SCN8A: variants seen among roughly 807,000 people sequenced by gnomAD.
The protein encoded by SCN8A is sodium channel protein type 8 subunit alpha.
In SCN8A, 30 loss-of-function variants were observed where a neutral mutation model predicts 184.1. The ratio of observed to expected loss-of-function variants is 0.16; its 90% CI spans 0.12 to 0.22. SCN8A has a LOEUF of 0.22. SCN8A is among the 10% of genes least tolerant of loss of function. The pLI is 1.00. For missense variants in SCN8A, 1,057 were observed against 2,498.9 expected (o/e 0.42, Z 12.30); for synonymous variants, 852 against 907.0 (o/e 0.94, Z 1.09).
At chr12:51,611,181 A>C (rs1939711588) in intron 1 of SCN8A, among the ~76,000 whole-genome samples, 1 of 151,572 alleles carries the variant, frequency 6.6e-6, no homozygotes, top group Non-Finnish European at 1.5e-5. Flanking sequence ...TGTTAGGTTT[A>C]TACCTAAGTA....
At chr12:51,659,375 A>G (rs987245205) in intron 1 of SCN8A, among the ~76,000 whole-genome samples, 1 of 152,222 alleles carries the variant, frequency 6.6e-6, no homozygotes, top group African/African-American at 2.4e-5. Context: ...TCTTGATTTC[A>G]GTGGTGGTTA....
In SCN8A at chr12:51,790,382, T is replaced by A. The variant is rs777359010; in HGVS notation, c.4420-16T>A. The A allele has an allele frequency of 1.9e-6, 3 of 1,583,930 alleles. No homozygotes were observed. The South Asian group carries it at 3.4e-5, about 18-fold the overall frequency. On this transcript the variant is annotated splice_polypyrimidine_tract_variant and intron_variant, in intron 24 of 26. Coordinates refer to ENST00000627620, the MANE Select transcript of SCN8A (RefSeq NM_001330260.2). ...GAGCCAGTTGTAATTGTCTGTTTTC[T>A]TCTTCCCTCCTTTACTTCGGAGGTC... is the stretch of plus-strand genomic sequence containing the variant.
At position 51,790,560 on chromosome 12, in the gene SCN8A, T is replaced by C. The variant is rs193272069; in HGVS notation, c.4524+58T>C. The C allele has an allele frequency of 9.3e-5, 104 of 1,124,284 alleles. No individual in the cohort carries two copies. The African/African-American group carries it at 1.5e-3, about 16-fold the overall frequency. 69.6% of individuals were successfully genotyped at this position (1,124,284 alleles called of 1,614,324 possible). ...AGAACCCATATAGGAAAAGTACTAG[T>C]AGAGTTACTGCAAAGGAAGGAAAAA... On this transcript the variant is annotated intron_variant, in intron 25 of 26. Coordinates refer to ENST00000627620, the MANE Select transcript of SCN8A (RefSeq NM_001330260.2).
At chr12:51,652,585 C>T (rs1368104220) in intron 1 of SCN8A, among the ~76,000 whole-genome samples, 1 of 152,174 alleles carries the variant, frequency 6.6e-6, no homozygotes, top group African/African-American at 2.4e-5. Context: ...CTGAAATCCA[C>T]TTACACTGAA....
intron 13 of SCN8A, among the ~76,000 whole-genome samples, chr12:51,750,931 A>G (rs546609657): frequency 1.6e-4 from 24 of 152,348 alleles, no homozygotes; most frequent in African/African-American, 5.8e-4. Context: ...GCTTTACACC[A>G]GCATCTAATT....
Position 51,730,252 on chromosome 12 carries a change from TATCCA to T in SCN8A, c.1998+8345_1998+8349del, listed in dbSNP as rs571782323. Among the ~76,000 whole-genome samples, 31 of 152,320 alleles carry T rather than the reference TATCCA, an allele frequency of 2.0e-4. No homozygotes were observed. In the South Asian group the frequency reaches 3.1e-3, roughly 15 times the overall value. The stretch of plus-strand genomic sequence containing the variant: ...TGAGATACAAGTCAACCTGGATAGA[TATCCA>T]GTCTGTTAGCACCATTTGTTCAAGA... On this transcript the variant is annotated intron_variant, in intron 12 of 26. Transcript: ENST00000627620.
At chr12:51,802,488 C>T (rs1049400553) in intron 26 of SCN8A, among the ~76,000 whole-genome samples, 3 of 152,214 alleles carry the variant, frequency 2.0e-5, no homozygotes, top group African/African-American at 4.8e-5. Context: ...AGGGAGGCTA[C>T]GCATGCACCT....
intron 2 of SCN8A, among the ~76,000 whole-genome samples, chr12:51,667,591 C>T (rs1257925312): frequency 6.6e-6 from 1 of 152,088 alleles, no homozygotes; most frequent in African/African-American, 2.4e-5. Flanking sequence ...CTCTGTTGCA[C>T]AAAGTGCCTG....
intron 20 of SCN8A, among the ~76,000 whole-genome samples, chr12:51,779,219 C>CAAA (rs35152992): frequency 3.2e-5 from 4 of 125,170 alleles, no homozygotes; most frequent in Admixed American, 8.0e-5. Flanking sequence ...GACTTTGTCT[C>CAAA]AAAAAAAAAA....
intron 2 of SCN8A, among the ~76,000 whole-genome samples, chr12:51,666,816 G>A (rs1941042773): frequency 6.6e-6 from 1 of 152,224 alleles, no homozygotes; most frequent in South Asian, 2.1e-4. Context: ...TGTGCACCAC[G>A]TTTTCGAGAT....
chr12:51,702,860 C>T lies in SCN8A; in HGVS notation c.1080C>T (p.Phe360=). The T allele has an allele frequency of 6.2e-7, 1 of 1,605,508 alleles. No homozygotes were observed. The highest frequency in any genetic ancestry group is 1.3e-5 in the African/African-American group (1 of 74,982). The change falls in exon 9 of 27, where the codon TTC becomes TTT. Residue 360 remains phenylalanine, a synonymous_variant. Transcript: ENST00000627620. ...GTTTTGACACTTTTAGCTGGGCCTT[C>T]TTGGCATTATTTCGCCTTATGACCC... ...YTSFDTFSWA[F]LALFRLMTQD... is the part of the protein sequence containing the mutation.
chr12:51,775,667 G>A (rs528638481), intron 20 of SCN8A, among the ~76,000 whole-genome samples: 1 of 152,304 alleles, frequency 6.6e-6, no homozygotes, highest in South Asian at 2.1e-4. Flanking sequence ...GAATGGGATT[G>A]AGATAAGACC....
chr12:51,599,995 G>A (rs12425665), intron 1 of SCN8A, among the ~76,000 whole-genome samples: 2 of 152,146 alleles, frequency 1.3e-5, no homozygotes, highest in Admixed American at 1.3e-4. Flanking sequence ...AGTATGTTCT[G>A]TAATCCATGG....
intron 1 of SCN8A, among the ~76,000 whole-genome samples, chr12:51,651,002 G>C (rs1429546146): frequency 6.6e-6 from 1 of 152,210 alleles, no homozygotes; most frequent in African/African-American, 2.4e-5. Flanking sequence ...CGAATTAAAG[G>C]AATAGGTTGG....
At chr12:51,631,709 GT>G (rs1438021607) in intron 1 of SCN8A, among the ~76,000 whole-genome samples, 1 of 152,166 alleles carries the variant, frequency 6.6e-6, no homozygotes, top group African/African-American at 2.4e-5. Flanking sequence ...TTGTTTCAAA[GT>G]CTTATTTAAA....
chr12:51,690,334 C>T (rs562068020), intron 6 of SCN8A, among the ~76,000 whole-genome samples: 6 of 152,262 alleles, frequency 3.9e-5, no homozygotes, highest in African/African-American at 1.2e-4. Context: ...TTGTGGCTGA[C>T]TCAGAAATAT....
intron 1 of SCN8A, among the ~76,000 whole-genome samples, chr12:51,600,291 G>T (rs1172890100): frequency 6.6e-6 from 1 of 152,140 alleles, no homozygotes; most frequent in Non-Finnish European, 1.5e-5. Flanking sequence ...AAAGGAACAA[G>T]AATTCTATAC....
chr12:51,639,762 G>A (rs898976423), intron 1 of SCN8A, among the ~76,000 whole-genome samples: 3 of 148,810 alleles, frequency 2.0e-5, no homozygotes, highest in African/African-American at 7.4e-5. Flanking sequence ...AGTCAGTAGC[G>A]ATCAACATTA....
intron 13 of SCN8A, among the ~76,000 whole-genome samples, chr12:51,749,647 G>A (rs1022443184): frequency 5.9e-5 from 9 of 152,120 alleles, no homozygotes; most frequent in African/African-American, 2.2e-4. Flanking sequence ...GCGCTTACAG[G>A]GGTCCTTAAA....
Sources: allele counts gnomAD v4.1 joint callset (sites outside exome capture counted in the v4.1 genomes callset), GRCh38; gene constraint gnomAD v4.1.1; transcripts MANE v1.5; gene names NCBI Gene and HGNC (gene_info 2026-07-23, HGNC 2026-07-21).